Variants in POT1 observed in about 807,000 individuals in gnomAD.
The protein encoded by POT1 is protection of telomeres 1, also known as protection of telomeres protein 1.
Under a neutral mutation model 78.5 loss-of-function variants are expected in POT1, and 47 were observed. The observed-to-expected ratio is 0.60, with a 90% CI of 0.47 to 0.76. The LOEUF is 0.76. Ranked by LOEUF, POT1 falls within the 30% of genes least tolerant of loss-of-function variation. POT1 has a pLI of 0.00. For synonymous variants in POT1, 259 were observed against 260.7 expected (o/e 0.99, Z 0.06); for missense variants, 646 against 749.9 (o/e 0.86, Z 1.62).
rs750755822 is a variant in POT1 at position 124,840,967 on chromosome 7, TCTTAC to T, written c.1369+1_1369+5del. Reference sequence around the variant, plus strand: ...TTCTAACAAAACAGTGACTTAAATATCTTACCTTCTATCAAAAGTAGACATTCATT... The same window carrying T: ...TTCTAACAAAACAGTGACTTAAATATCTTCTATCAAAAGTAGACATTCATT... On this transcript the variant is annotated splice_donor_variant and splice_donor_5th_base_variant and intron_variant, in intron 14 of 18. Coordinates refer to ENST00000357628, the MANE Select transcript of POT1 (RefSeq NM_015450.3). LOFTEE classifies it high-confidence loss of function. 2 of 1,581,008 alleles carry T rather than the reference TCTTAC, an allele frequency of 1.3e-6. No individual in the cohort carries two copies. The highest frequency in any genetic ancestry group is 1.7e-5 in the Admixed American group (1 of 59,864).
chr7:124,865,225 T>C (rs1795691549), intron 7 of POT1, among the ~76,000 whole-genome samples: 1 of 152,116 alleles, frequency 6.6e-6, no homozygotes. Context: ...TCCAGTTGAT[T>C]TCAAGATTTT....
intron 6 of POT1, among the ~76,000 whole-genome samples, chr7:124,882,563 T>C (rs1249747596): frequency 1.3e-5 from 2 of 152,012 alleles, no homozygotes; most frequent in African/African-American, 2.4e-5. Context: ...ACAGATTAGA[T>C]AGATGTTAGA....
Position 124,841,193 on chromosome 7 carries a change from A to G in POT1, c.1164-15T>C. On this transcript the variant is annotated splice_polypyrimidine_tract_variant and intron_variant, in intron 13 of 18. Coordinates refer to ENST00000357628, the MANE Select transcript of POT1 (RefSeq NM_015450.3). The stretch of plus-strand genomic sequence containing the variant: ...GAACTTCTTGCCTAAAATTATTGGC[A>G]ATGAAATGATAGAAATCGATTTTGG... The G allele has an allele frequency of 6.3e-7, 1 of 1,596,808 alleles. No homozygotes were observed. Among genetic ancestry groups the G allele is most frequent in the Non-Finnish European group, 8.6e-7 (1 of 1,167,954 alleles).
At chr7:124,836,916 G>A (rs1017933362) in intron 14 of POT1, among the ~76,000 whole-genome samples, 14 of 152,114 alleles carry the variant, frequency 9.2e-5, no homozygotes, top group African/African-American at 3.4e-4. Flanking sequence ...TCAGTGTCTG[G>A]CACATAGTAG....
intron 6 of POT1, among the ~76,000 whole-genome samples, chr7:124,875,388 GAAAT>G (rs745874093): frequency 6.6e-6 from 1 of 152,120 alleles, no homozygotes; most frequent in African/African-American, 2.4e-5. Flanking sequence ...ATACAAGAAT[GAAAT>G]AAATAATCAC....
chr7:124,864,212 C>T (rs969867467), intron 7 of POT1, among the ~76,000 whole-genome samples: 19 of 152,144 alleles, frequency 1.2e-4, no homozygotes, highest in Admixed American at 1.2e-3. Flanking sequence ...ATGAAATGCT[C>T]CTTCCAAAAC....
chr7:124,839,610 T>C (rs1200026489), intron 14 of POT1, among the ~76,000 whole-genome samples: 5 of 152,184 alleles, frequency 3.3e-5, no homozygotes, highest in Non-Finnish European at 7.4e-5. Context: ...CTTAGAAACA[T>C]AAAATAAAAA....
chr7:124,866,044 T>C (rs973325421), intron 7 of POT1, among the ~76,000 whole-genome samples: 1 of 152,172 alleles, frequency 6.6e-6, no homozygotes. Context: ...GTTGGCTTCT[T>C]CTGACAAACA....
rs1443117700 is a variant in POT1, at chr7:124,910,333, G to A, written c.-154+5241C>T. Among the ~76,000 whole-genome samples, 4 of 152,056 alleles carry A rather than the reference G, an allele frequency of 2.6e-5. No homozygotes were observed. The South Asian group carries it at 6.2e-4, about 24-fold the overall frequency. On this transcript the variant is annotated intron_variant, in intron 3 of 18. Transcript: ENST00000357628. ...ACTACCATGAGGTAAGAAAAAAAAG[G>A]TGTGGAGATAGAGCGGTTTCTCTAC...
intron 3 of POT1, among the ~76,000 whole-genome samples, chr7:124,903,000 T>A (rs962464504): frequency 1.4e-4 from 22 of 152,058 alleles, no homozygotes; most frequent in Non-Finnish European, 3.1e-4. Flanking sequence ...ATGCACCCAA[T>A]ACAGGAACGC....
intron 7 of POT1, among the ~76,000 whole-genome samples, chr7:124,869,390 T>C (rs1795811865): frequency 3.3e-5 from 5 of 152,136 alleles, no homozygotes; most frequent in Admixed American, 3.3e-4. Flanking sequence ...TATGGTTATA[T>C]TGTGAATGAT....
intron 14 of POT1, among the ~76,000 whole-genome samples, chr7:124,839,864 T>C (rs1292648980): frequency 4.6e-5 from 7 of 152,048 alleles, no homozygotes; most frequent in Admixed American, 1.3e-4. Flanking sequence ...GTCCACAGTT[T>C]ACATTAGTAA....
chr7:124,892,696 A>T lies in POT1; in HGVS notation c.10-316T>A, dbSNP rs73223571. 2,334 of 162,362 alleles carry T rather than the reference A, an allele frequency of 0.014. 25 individuals are homozygous for T. Among genetic ancestry groups the T allele is most frequent in the Non-Finnish European group, 0.022 (1,623 of 74,826 alleles). 10.1% of individuals were successfully genotyped at this position (162,362 alleles called of 1,614,324 possible). A position where few individuals can be genotyped will look rare whatever the true frequency, so the allele number is the denominator to read the frequency against. On this transcript the variant is annotated intron_variant, in intron 5 of 18. Transcript: ENST00000357628. ...ATAGTCCCTGACTTATGATGGTTCA[A>T]CTTACAATCTTCTGACTTTAGAATG...
At chr7:124,917,586 CAT>C (rs1202612709) in intron 2 of POT1, among the ~76,000 whole-genome samples, 1 of 152,122 alleles carries the variant, frequency 6.6e-6, no homozygotes, top group Non-Finnish European at 1.5e-5. Flanking sequence ...ACAATAACAA[CAT>C]ATGAGGCATA....
In POT1 at chr7:124,863,184, C is replaced by T. The variant is rs1434132340; in HGVS notation, c.546+166G>A. 3.3e-5 allele frequency among the ~76,000 whole-genome samples: 5 copies of T among 152,080 alleles called. No homozygotes were observed. The East Asian group carries it at 9.6e-4, about 29-fold the overall frequency. Reference sequence around the variant, plus strand: ...GAAAGTGTAAAATTTTAGAGAGGTACAAGAGTAGAGCTGCATGAATATTGA... The same window carrying T: ...GAAAGTGTAAAATTTTAGAGAGGTATAAGAGTAGAGCTGCATGAATATTGA... On this transcript the variant is annotated intron_variant, in intron 8 of 18. Transcript: ENST00000357628.
At chr7:124,827,497 T>C (rs1794660263) in intron 16 of POT1, among the ~76,000 whole-genome samples, 192 bp from the exon 17 acceptor site, 1 of 152,194 alleles carries the variant, frequency 6.6e-6, no homozygotes, top group South Asian at 2.1e-4. Context: ...CCAGCTGGCG[T>C]CTGCTGAGGG....
rs1794548485 is a variant in POT1, at chr7:124,823,255, T to C, written c.*707A>G. On this transcript the variant is annotated 3_prime_UTR_variant, in exon 19 of 19. Transcript: ENST00000357628. ...ACTTAGGGCAAATAAATGAAACAGT[T>C]GAAATGTGTGCACTTATTTATTCTT... 1 of 152,080 alleles carries C rather than the reference T, an allele frequency of 6.6e-6. No homozygotes were observed. The highest frequency in any genetic ancestry group is 1.5e-5 in the Non-Finnish European group (1 of 67,950). 9.4% of individuals were successfully genotyped at this position (152,080 alleles called of 1,614,324 possible). A position where few individuals can be genotyped will look rare whatever the true frequency, so the allele number is the denominator to read the frequency against.
At chr7:124,923,650 A>G (rs928874080) in intron 2 of POT1, among the ~76,000 whole-genome samples, 1 of 151,794 alleles carries the variant, frequency 6.6e-6, no homozygotes, top group East Asian at 1.9e-4. Flanking sequence ...TAGCAAGAGC[A>G]TCAGACATCC....
chr7:124,910,227 C>T (rs1375768797), intron 3 of POT1, among the ~76,000 whole-genome samples: 1 of 151,830 alleles, frequency 6.6e-6, no homozygotes, highest in East Asian at 1.9e-4. Flanking sequence ...GCCATACTGT[C>T]TGAATGTTTT....
Sources: gnomAD v4.1 joint callset for allele counts (sites outside exome capture counted in the v4.1 genomes callset) on GRCh38, gnomAD v4.1.1 for gene constraint, MANE v1.5 for transcripts, NCBI Gene and HGNC (gene_info 2026-07-23, HGNC 2026-07-21) for gene names.